SCAPER: variants seen among roughly 807,000 people sequenced by gnomAD.
The protein encoded by SCAPER is S-phase cyclin A associated protein in the ER.
SCAPER carries 98 observed loss-of-function variants against 182.2 expected under a neutral mutation model. That is an observed-to-expected ratio of 0.54 (90% CI 0.46 to 0.64). The LOEUF (loss-of-function observed/expected upper bound fraction) is 0.64. Ranked by LOEUF, SCAPER falls within the 30% of genes least tolerant of loss-of-function variation. SCAPER has a pLI of 0.00. For synonymous variants in SCAPER, 605 were observed against 564.6 expected, an observed-to-expected ratio of 1.07 and a Z score of -1.01; for missense variants, 1,432 against 1,690.0, an observed-to-expected ratio of 0.85 and a Z score of 2.68.
chr15:76,548,168 A>C lies in SCAPER; in HGVS notation c.2838+25990T>G, dbSNP rs151289556. ...GCTAGCGCTCATTTAATTTTACATA[A>C]ACACGCTCTTTGAGGCTGAAGCAAA... On this transcript the variant is annotated intron_variant, in intron 23 of 31. Transcript: ENST00000563290. 3.2e-3 allele frequency among the ~76,000 whole-genome samples: 484 copies of C among 152,310 alleles called. 5 individuals are homozygous for C. Among genetic ancestry groups the C allele is most frequent in the African/African-American group, 0.011 (462 of 41,584 alleles).
At chr15:76,512,029 C>G (rs2042091615) in intron 23 of SCAPER, among the ~76,000 whole-genome samples, 1 of 151,340 alleles carries the variant, frequency 6.6e-6, no homozygotes, top group Non-Finnish European at 1.5e-5. Flanking sequence ...ATTACAGGCA[C>G]CTGACAACAT....
chr15:76,683,106 A>G (rs1228999268), intron 20 of SCAPER, among the ~76,000 whole-genome samples: 1 of 152,180 alleles, frequency 6.6e-6, no homozygotes, highest in African/African-American at 2.4e-5. Context: ...AGGAACATCC[A>G]TTGTGGAGAT....
At chr15:76,540,486 T>C (rs1317433164) in intron 23 of SCAPER, among the ~76,000 whole-genome samples, 2 of 152,164 alleles carry the variant, frequency 1.3e-5, no homozygotes, top group Non-Finnish European at 2.9e-5. Flanking sequence ...TCATATATAC[T>C]GCTTAGTGAA....
intron 3 of SCAPER, among the ~76,000 whole-genome samples, chr15:76,861,367 T>A (rs377039675): frequency 1.4e-4 from 22 of 152,302 alleles, no homozygotes; most frequent in African/African-American, 5.3e-4. Flanking sequence ...ATCACGAACC[T>A]CCTCTGATAA....
At chr15:76,509,335 C>A (rs1183028212) in intron 23 of SCAPER, among the ~76,000 whole-genome samples, 5 of 152,124 alleles carry the variant, frequency 3.3e-5, no homozygotes, top group Non-Finnish European at 7.4e-5. Flanking sequence ...CTTGCCTCTT[C>A]TATCCATGAC....
At chr15:76,807,196 T>A (rs1482712088) in intron 5 of SCAPER, among the ~76,000 whole-genome samples, 1 of 152,222 alleles carries the variant, frequency 6.6e-6, no homozygotes, top group Non-Finnish European at 1.5e-5. Context: ...TAACTGTGGA[T>A]TTTTCATAGA....
At chr15:76,888,972 A>G (rs1186347066) in intron 1 of SCAPER, among the ~76,000 whole-genome samples, 1 of 152,232 alleles carries the variant, frequency 6.6e-6, no homozygotes, top group Non-Finnish European at 1.5e-5. Flanking sequence ...GACCAACAGC[A>G]GATCTCCTAG....
At chr15:76,543,336 A>C (rs914891991) in intron 23 of SCAPER, among the ~76,000 whole-genome samples, 1 of 152,206 alleles carries the variant, frequency 6.6e-6, no homozygotes, top group African/African-American at 2.4e-5. Context: ...TGTAGGTTTA[A>C]GGTTGACATG....
At chr15:76,355,365 T>C (rs1393709067) in intron 29 of SCAPER, among the ~76,000 whole-genome samples, 1 of 152,238 alleles carries the variant, frequency 6.6e-6, no homozygotes, top group African/African-American at 2.4e-5. Context: ...TGTGTGACAA[T>C]TCAGCACATG....
chr15:76,754,829 T>C (rs2062315772), intron 14 of SCAPER, among the ~76,000 whole-genome samples: 1 of 152,144 alleles, frequency 6.6e-6, no homozygotes, highest in Admixed American at 6.5e-5. Context: ...TGTGTAACAC[T>C]AGAAACAACA....
intron 27 of SCAPER, among the ~76,000 whole-genome samples, chr15:76,400,549 A>G (rs891378428): frequency 2.6e-5 from 4 of 152,226 alleles, no homozygotes; most frequent in Non-Finnish European, 5.9e-5. Flanking sequence ...AACTCCCTGT[A>G]TTCCTGTGGT....
intron 8 of SCAPER, among the ~76,000 whole-genome samples, chr15:76,790,354 G>A (rs1025938592): frequency 1.3e-5 from 2 of 152,096 alleles, no homozygotes; most frequent in Admixed American, 6.5e-5. Context: ...CTCAGGAAGA[G>A]TTTCTATAAG....
intron 23 of SCAPER, among the ~76,000 whole-genome samples, chr15:76,537,514 T>G (rs572480874): frequency 3.1e-4 from 47 of 152,218 alleles, no homozygotes; most frequent in African/African-American, 1.0e-3. Flanking sequence ...TGGCTAGCCA[T>G]ATGTAGAAAG....
chr15:76,500,627 T>A (rs1424003097), intron 24 of SCAPER, among the ~76,000 whole-genome samples: 2 of 152,146 alleles, frequency 1.3e-5, no homozygotes, highest in African/African-American at 4.8e-5. Context: ...ATCTTCTTAT[T>A]TACGTAACAT....
intron 3 of SCAPER, among the ~76,000 whole-genome samples, chr15:76,860,592 G>A (rs1361311043): frequency 6.6e-6 from 1 of 152,146 alleles, no homozygotes; most frequent in East Asian, 1.9e-4. Flanking sequence ...TACAGAAAAG[G>A]TGGAATCAAA....
chr15:76,702,003 A>G, intron 19 of SCAPER, 138 bp from the exon 20 acceptor site: 1 of 527,714 alleles, frequency 1.9e-6, no homozygotes. Flanking sequence ...TAGTTTCCTC[A>G]GAACATAATT....
At chr15:76,618,053 G>C (rs2051658570) in intron 22 of SCAPER, among the ~76,000 whole-genome samples, 1 of 152,152 alleles carries the variant, frequency 6.6e-6, no homozygotes, top group Admixed American at 6.5e-5. Flanking sequence ...GAGGTCAGGA[G>C]ATCGAGACCA....
At chr15:76,531,472 A>G (rs2043659075) in intron 23 of SCAPER, among the ~76,000 whole-genome samples, 1 of 152,140 alleles carries the variant, frequency 6.6e-6, no homozygotes, top group Non-Finnish European at 1.5e-5. Flanking sequence ...ATAGAATACC[A>G]ACTTGCTTTA....
intron 23 of SCAPER, among the ~76,000 whole-genome samples, chr15:76,510,688 A>C (rs1161449909): frequency 6.6e-6 from 1 of 152,262 alleles, no homozygotes; most frequent in African/African-American, 2.4e-5. Context: ...TAAAAGTAGA[A>C]GTACCATTTG....
Sources: gnomAD v4.1 joint callset for allele counts (sites outside exome capture counted in the v4.1 genomes callset) on GRCh38, gnomAD v4.1.1 for gene constraint, MANE v1.5 for transcripts, NCBI Gene and HGNC (gene_info 2026-07-23, HGNC 2026-07-21) for gene names.